The following S100Z variants were observed in gnomAD, a reference collection of about 807,000 sequenced individuals.
S100Z encodes the protein S100 calcium binding protein Z.
A neutral mutation model predicts 8.5 loss-of-function variants in S100Z; 11 were observed. The ratio of observed to expected loss-of-function variants is 1.30; its 90% CI spans 0.82 to 2.15. The LOEUF (loss-of-function observed/expected upper bound fraction) is 2.15. Ranked by LOEUF, S100Z falls within the 30% of genes most tolerant of loss-of-function variation. The pLI is 0.00. For missense variants in S100Z, 126 were observed against 117.9 expected (o/e 1.07, Z -0.32); for synonymous variants, 34 against 43.8 (o/e 0.78, Z 0.89).
At chr5:76,867,939 C>T (rs1274920577) in intron 1 of S100Z, among the ~76,000 whole-genome samples, 1 of 152,186 alleles carries the variant, frequency 6.6e-6, no homozygotes, top group African/African-American at 2.4e-5. Flanking sequence ...TCTTTGCACA[C>T]TATCTCAGAC....
At chr5:76,886,256 C>T (rs370648161) in intron 4 of S100Z, among the ~76,000 whole-genome samples, 1 of 152,168 alleles carries the variant, frequency 6.6e-6, no homozygotes, top group Admixed American at 6.5e-5. Flanking sequence ...GCTGCCTTCC[C>T]GAGTCTGTGA....
chr5:76,860,685 C>T (rs555697568), intron 1 of S100Z, among the ~76,000 whole-genome samples: 1 of 152,274 alleles, frequency 6.6e-6, no homozygotes, highest in South Asian at 2.1e-4. Context: ...TTTGTTTAAA[C>T]TGTGATAAGT....
intron 4 of S100Z, among the ~76,000 whole-genome samples, chr5:76,917,247 T>C (rs1744883673): frequency 1.3e-5 from 2 of 152,178 alleles, no homozygotes; most frequent in African/African-American, 4.8e-5. Context: ...AATAAGTTTA[T>C]AATTATGTAT....
intron 3 of S100Z, among the ~76,000 whole-genome samples, chr5:76,875,811 G>C (rs141411233): frequency 6.0e-4 from 92 of 152,280 alleles, no homozygotes; most frequent in African/African-American, 2.2e-3. Flanking sequence ...GTTATAACTA[G>C]TTACAGCTAG....
intron 4 of S100Z, among the ~76,000 whole-genome samples, chr5:76,892,598 G>T (rs1341088016): frequency 6.6e-6 from 1 of 152,010 alleles, no homozygotes; most frequent in Admixed American, 6.6e-5. Flanking sequence ...TCCAAAGAGG[G>T]TTTGGGGACT....
At chr5:76,865,839 C>T (rs1751255212) in intron 1 of S100Z, among the ~76,000 whole-genome samples, 1 of 149,748 alleles carries the variant, frequency 6.7e-6, no homozygotes, top group Admixed American at 6.6e-5. Flanking sequence ...ATGGTGAAAC[C>T]CCGTCTCTAC....
the S100Z span, chr5:76,948,887 A>T: frequency 6.6e-6 from 1 of 152,236 alleles, no homozygotes; most frequent in Non-Finnish European, 1.5e-5. Context: ...GAGCTAAATG[A>T]TGAGAACAAA....
chr5:76,944,598 G>T, the S100Z span, among the ~76,000 whole-genome samples: 1 of 152,162 alleles, frequency 6.6e-6, no homozygotes, highest in Non-Finnish European at 1.5e-5. Flanking sequence ...GTCCCACCAA[G>T]GTGAGGTTAG....
chr5:76,919,574 C>T (rs1163837034), intron 4 of S100Z, among the ~76,000 whole-genome samples: 2 of 63,002 alleles, frequency 3.2e-5, no homozygotes, highest in Admixed American at 1.8e-4. Flanking sequence ...CTTTCTCTCT[C>T]TCTCTCTTTC....
intron 1 of S100Z, among the ~76,000 whole-genome samples, chr5:76,866,573 AT>A (rs1004688172): frequency 2.6e-5 from 4 of 151,922 alleles, no homozygotes; most frequent in African/African-American, 7.2e-5. Context: ...AAGGTGTACT[AT>A]TTTTTTTATC....
intron 2 of S100Z, among the ~76,000 whole-genome samples, chr5:76,872,186 G>T (rs1743035162): frequency 6.6e-6 from 1 of 151,966 alleles, no homozygotes. Context: ...GTTCGAGGCT[G>T]CAGTGAGCCA....
intron 1 of S100Z, among the ~76,000 whole-genome samples, chr5:76,866,499 A>G (rs1201224144): frequency 1.3e-5 from 2 of 152,128 alleles, no homozygotes; most frequent in Non-Finnish European, 2.9e-5. Flanking sequence ...CTCACCATTT[A>G]CTTACCAACT....
At chr5:76,901,719 T>C (rs1490079889) in intron 4 of S100Z, among the ~76,000 whole-genome samples, 1 of 152,210 alleles carries the variant, frequency 6.6e-6, no homozygotes, top group Admixed American at 6.5e-5. Flanking sequence ...TCTATTCCCC[T>C]GTGGCTGTGC....
At chr5:76,906,419 A>G (rs1310412780) in intron 4 of S100Z, among the ~76,000 whole-genome samples, 2 of 152,054 alleles carry the variant, frequency 1.3e-5, no homozygotes, top group African/African-American at 2.4e-5. Context: ...TTTGACCAAC[A>G]TCACTCCATT....
At chr5:76,926,637 C>G (rs1380718909), downstream of S100Z, among the ~76,000 whole-genome samples, 2 of 152,066 alleles carry the variant, frequency 1.3e-5, no homozygotes, top group Admixed American at 1.3e-4. Context: ...GAGAGAAAGG[C>G]TAAATGCCCA....
intron 4 of S100Z, among the ~76,000 whole-genome samples, chr5:76,895,364 G>A (rs1743999492): frequency 6.6e-6 from 1 of 151,988 alleles, no homozygotes; most frequent in African/African-American, 2.4e-5. Flanking sequence ...ATCTAAAGGA[G>A]GAGTTATTGC....
At chr5:76,874,293 GTTGGAACTAGTGTTTCTTCT>G (rs1466617029) in intron 2 of S100Z, among the ~76,000 whole-genome samples, 1 of 151,730 alleles carries the variant, frequency 6.6e-6, no homozygotes, top group African/African-American at 2.4e-5. Flanking sequence ...TCATCTCCAG[GTTGGAACTAGTGTTTCTTCT>G]TTGCTCCCCT....
chr5:76,935,914 A>T, the S100Z span, among the ~76,000 whole-genome samples: 1 of 151,902 alleles, frequency 6.6e-6, no homozygotes. Context: ...GTAGCTGGGA[A>T]TACAGGTGCA....
intron 4 of S100Z, among the ~76,000 whole-genome samples, chr5:76,883,155 T>C (rs1208961104): frequency 6.6e-6 from 1 of 151,736 alleles, no homozygotes; most frequent in African/African-American, 2.4e-5. Context: ...GGGGTAAGGG[T>C]GATTAGGTTT....
Sources: gnomAD v4.1 joint callset for allele counts (sites outside exome capture counted in the v4.1 genomes callset) on GRCh38, gnomAD v4.1.1 for gene constraint, MANE v1.5 for transcripts, NCBI Gene and HGNC (gene_info 2026-07-23, HGNC 2026-07-21) for gene names.